The following PHACTR3 variants were observed in gnomAD, a reference collection of about 807,000 sequenced individuals.
The protein encoded by PHACTR3 is protein phosphatase 1, regulatory subunit 123.
A neutral mutation model predicts 66.8 loss-of-function variants in PHACTR3; 16 were observed. The ratio of observed to expected loss-of-function variants is 0.24; its 90% confidence interval spans 0.16 to 0.36. PHACTR3 has a LOEUF of 0.36. Ranked by LOEUF, PHACTR3 falls within the 10% of genes least tolerant of loss-of-function variation. The pLI is 1.00. For missense variants in PHACTR3, 647 were observed against 719.9 expected, an observed-to-expected ratio of 0.90 and a Z score of 1.16; for synonymous variants, 323 against 292.1, an observed-to-expected ratio of 1.11 and a Z score of -1.08.
intron 1 of PHACTR3, among the ~76,000 whole-genome samples, chr20:59,683,632 A>G (rs6064826): frequency 0.27 from 41,218 of 152,050 alleles, 6,328 homozygotes; most frequent in East Asian, 0.72. Flanking sequence ...CAAGTTAGGC[A>G]TAGTCTCTCA....
Position 59,847,098 on chromosome 20 carries a change from T to C in PHACTR3, c.1665-17T>C. ...AATGAATAACCTTAAATTCTTTGTC[T>C]TTTTTATAATCTCTAGATTCCACAG... On this transcript the variant is annotated splice_polypyrimidine_tract_variant and intron_variant, in intron 12 of 12. Coordinates refer to ENST00000371015, the MANE Select transcript of PHACTR3 (RefSeq NM_080672.5). 6.7e-7 allele frequency: 1 copy of C among 1,502,044 alleles called. No individual in the cohort carries two copies. 93.0% of individuals were successfully genotyped at this position (1,502,044 alleles called of 1,614,324 possible). A position where few individuals can be genotyped will look rare whatever the true frequency, so the allele number is the denominator to read the frequency against.
chr20:59,705,601 TA>T (rs2037671431), intron 1 of PHACTR3, among the ~76,000 whole-genome samples: 1 of 152,188 alleles, frequency 6.6e-6, no homozygotes, highest in Non-Finnish European at 1.5e-5. Context: ...TCTCTGAGTG[TA>T]GATTGGTTCA....
At chr20:59,777,826 C>T (rs934807393) in intron 7 of PHACTR3, among the ~76,000 whole-genome samples, 1 of 152,174 alleles carries the variant, frequency 6.6e-6, no homozygotes, top group Non-Finnish European at 1.5e-5. Flanking sequence ...GCTTTAAACA[C>T]ATCTGTGACC....
At chr20:59,844,524 CCA>C (rs1460061172) in intron 11 of PHACTR3, 3 of 152,048 alleles carry the variant, frequency 2.0e-5, no homozygotes, top group Non-Finnish European at 2.9e-5. Flanking sequence ...TTAAGAAAAT[CCA>C]GTCATTTTTG....
intron 7 of PHACTR3, among the ~76,000 whole-genome samples, chr20:59,784,885 G>A (rs1601350643): frequency 6.6e-6 from 1 of 152,156 alleles, no homozygotes; most frequent in African/African-American, 2.4e-5. Context: ...ATTCAATCTT[G>A]GCTGCTCTTG....
In PHACTR3 at chr20:59,841,447, G is replaced by A. The variant is rs1367179711; in HGVS notation, c.1499G>A (p.Arg500Gln). 1.9e-6 allele frequency: 3 copies of A among 1,613,448 alleles called. No homozygotes were observed. In the African/African-American group the frequency reaches 4.0e-5, roughly 22 times the overall value. The change falls in exon 11 of 13, where the codon CGA (arginine) becomes CAA (glutamine). Residue 500 changes from arginine (R) to glutamine (Q), a missense_variant. Physicochemically the swap from Arg to Gln is conservative, Grantham distance 43 (BLOSUM62 1). Transcript: ENST00000371015. ...TTAAGAGACAGAAAAATTCTGATAC[G>A]ATTCAGTGATTACGTGGAAGTAGCA... ...DELRDRKILI[R>Q]FSDYVEVAKA...
intron 1 of PHACTR3, among the ~76,000 whole-genome samples, chr20:59,679,689 G>T (rs1046072354): frequency 3.3e-5 from 5 of 152,064 alleles, no homozygotes; most frequent in Non-Finnish European, 7.4e-5. Flanking sequence ...AGCCTCTGGG[G>T]AGCCCTCACA....
chr20:59,768,717 A>G (rs944774726), intron 5 of PHACTR3, among the ~76,000 whole-genome samples: 3 of 152,212 alleles, frequency 2.0e-5, no homozygotes, highest in African/African-American at 7.2e-5. Context: ...TGGGGACCTT[A>G]CTGCCCCTTA....
intron 1 of PHACTR3, among the ~76,000 whole-genome samples, chr20:59,614,755 T>C (rs1318787681): frequency 6.6e-6 from 1 of 152,250 alleles, no homozygotes; most frequent in East Asian, 1.9e-4. Flanking sequence ...TATCCATATA[T>C]AGAAAAAATT....
intron 1 of PHACTR3, among the ~76,000 whole-genome samples, chr20:59,647,270 G>A (rs2035310230): frequency 1.3e-5 from 2 of 152,188 alleles, no homozygotes; most frequent in Non-Finnish European, 1.5e-5. Flanking sequence ...AATATCGTGA[G>A]ACTTACTACC....
At chr20:59,674,438 C>A (rs1297162842) in intron 1 of PHACTR3, among the ~76,000 whole-genome samples, 5 of 148,022 alleles carry the variant, frequency 3.4e-5, no homozygotes, top group African/African-American at 1.2e-4. Flanking sequence ...CCCCCTTCTC[C>A]TGTTCCTTCC....
intron 1 of PHACTR3, among the ~76,000 whole-genome samples, chr20:59,656,090 A>G (rs1439404608): frequency 2.0e-5 from 3 of 151,860 alleles, no homozygotes; most frequent in African/African-American, 4.8e-5. Flanking sequence ...AGAATGTCCC[A>G]TGTGCATTTG....
Position 59,841,287 on chromosome 20 carries a change from G to T in PHACTR3, c.1447-108G>T, listed in dbSNP as rs75596768. On this transcript the variant is annotated intron_variant, in intron 10 of 12. Transcript: ENST00000371015. ...TTTGGGTTATATTTTCCAGTTTCAG[G>T]TTTTTTTTGTTTTGTTTTGTTTTTT... The T allele has an allele frequency of 9.2e-3, 10,755 of 1,173,088 alleles. 79 individuals are homozygous for T. Among genetic ancestry groups the T allele is most frequent in the Middle Eastern group, 0.013 (44 of 3,282 alleles). 72.7% of individuals were successfully genotyped at this position (1,173,088 alleles called of 1,614,324 possible).
intron 8 of PHACTR3, among the ~76,000 whole-genome samples, chr20:59,819,777 T>TTAG (rs1411189939): frequency 6.6e-6 from 1 of 151,216 alleles, no homozygotes; most frequent in Non-Finnish European, 1.5e-5. Context: ...TGGCCACCCG[T>TTAG]CAGCTGAGGC....
intron 1 of PHACTR3, among the ~76,000 whole-genome samples, chr20:59,706,736 C>T (rs2037717239): frequency 6.6e-6 from 1 of 152,204 alleles, no homozygotes; most frequent in Non-Finnish European, 1.5e-5. Context: ...CACACACATA[C>T]ATGAAAAGCC....
Position 59,767,204 on chromosome 20 carries a change from C to A in PHACTR3, c.560C>A (p.Ser187Tyr). 1.9e-6 allele frequency: 3 copies of A among 1,614,250 alleles called. No homozygotes were observed. The highest frequency in any genetic ancestry group is 2.5e-6 in the Non-Finnish European group (3 of 1,180,042). ...GAACCAGCCAAGATGCCTTCTGCAT[C>A]CAGTGGTGAAGAAGCAGACGCTGGC... ...LDDAAKMPSA[S>Y]SGEEADAGSL... Residue 187 changes from serine to tyrosine, a missense_variant, in exon 5 of 13, where the codon TCC becomes TAC. By Grantham distance (144) the Ser-to-Tyr change is moderately radical. This residue lies in a region of PHACTR3 where 577 missense variants were observed against 571.1 expected (regional missense o/e 1.01). Transcript: ENST00000371015.
At chr20:59,688,450 T>C (rs1479584125) in intron 1 of PHACTR3, among the ~76,000 whole-genome samples, 1 of 152,190 alleles carries the variant, frequency 6.6e-6, no homozygotes, top group African/African-American at 2.4e-5. Context: ...AGGACTATAT[T>C]GTTAGTAGTA....
At chr20:59,747,380 G>T (rs997641337) in intron 2 of PHACTR3, among the ~76,000 whole-genome samples, 1 of 152,228 alleles carries the variant, frequency 6.6e-6, no homozygotes, top group Non-Finnish European at 1.5e-5. Context: ...AGGAGCCCGG[G>T]GTGTTGGCGG....
chr20:59,664,057 T>C lies in PHACTR3; in HGVS notation c.118+58925T>C, dbSNP rs141360459. 6.1e-3 allele frequency among the ~76,000 whole-genome samples: 932 copies of C among 152,290 alleles called. 10 individuals carry two copies. The highest frequency in any genetic ancestry group is 0.021 in the African/African-American group (879 of 41,558). On this transcript the variant is annotated intron_variant, in intron 1 of 12. Transcript: ENST00000371015. The stretch of plus-strand genomic sequence containing the variant: ...ATTCTCCCTTTTTCCTAAACACTTA[T>C]GAGAGAAAAGCCACACTTAACTGTA...
Sources: allele counts gnomAD v4.1 joint callset (sites outside exome capture counted in the v4.1 genomes callset), GRCh38; gene constraint gnomAD v4.1.1; regional missense constraint gnomAD v4.1.1; transcripts MANE v1.5; gene names NCBI Gene and HGNC (gene_info 2026-07-23, HGNC 2026-07-21).